The following NCALD variants were observed in gnomAD, a reference collection of about 807,000 sequenced individuals.
NCALD encodes neurocalcin-delta.
A neutral mutation model predicts 18.6 loss-of-function variants in NCALD; 10 were observed. That is an observed-to-expected ratio of 0.54 (90% CI 0.33 to 0.91). NCALD has a LOEUF of 0.91. Among genes scored for constraint, NCALD ranks in the 40% least tolerant of loss-of-function variants. The pLI, the probability that NCALD is intolerant of heterozygous loss-of-function variation, is 0.03. For missense variants in NCALD, 184 were observed against 247.6 expected (o/e 0.74, Z 1.72); for synonymous variants, 88 against 87.4 (o/e 1.01, Z -0.04).
intron 4 of NCALD, among the ~76,000 whole-genome samples, chr8:101,850,191 A>G (rs972924702): frequency 6.6e-6 from 1 of 152,154 alleles, no homozygotes; most frequent in Non-Finnish European, 1.5e-5. Context: ...CCTACCCTGC[A>G]AAGGAAAATT....
intron 4 of NCALD, among the ~76,000 whole-genome samples, chr8:101,823,786 G>A (rs10808379): frequency 0.7 from 106,552 of 152,006 alleles, 38,134 homozygotes; most frequent in Non-Finnish European, 0.78. Flanking sequence ...GTATGGTGGA[G>A]GCTGACAACC....
intron 3 of NCALD, chr8:101,691,986 G>C (rs935233689): frequency 3.2e-5 from 32 of 985,272 alleles, no homozygotes; most frequent in Admixed American, 6.1e-5. Context: ...AGGGTTGCCA[G>C]ATCTGGCAAA....
chr8:102,038,131 C>T (rs1163327162), intron 1 of NCALD, among the ~76,000 whole-genome samples: 1 of 152,120 alleles, frequency 6.6e-6, no homozygotes, highest in Non-Finnish European at 1.5e-5. Flanking sequence ...TTGGGATTTC[C>T]TGACGGCCTT....
At chr8:101,828,509 T>C (rs1465777594) in intron 4 of NCALD, among the ~76,000 whole-genome samples, 2 of 152,158 alleles carry the variant, frequency 1.3e-5, no homozygotes, top group African/African-American at 2.4e-5. Flanking sequence ...CTCTCTCTGA[T>C]GACTGAAGTT....
At chr8:101,714,775 T>C (rs1239963405) in intron 2 of NCALD, among the ~76,000 whole-genome samples, 1 of 150,932 alleles carries the variant, frequency 6.6e-6, no homozygotes, top group Non-Finnish European at 1.5e-5. Context: ...GGCGGGTGGA[T>C]CATGAGGTCA....
Position 101,689,548 on chromosome 8 carries a change from G to A in NCALD, c.485-142C>T, listed in dbSNP as rs1020353868. On this transcript the variant is annotated intron_variant, in intron 3 of 3. Coordinates refer to ENST00000220931, the MANE Select transcript of NCALD (RefSeq NM_032041.3). This position sits in a 1 kb window ranked among gnomAD's most constrained non-coding sequence, Gnocchi z 4.4. ...GTGACACACAGCACTCACCTGTCCC[G>A]GGGAAGAGCCCAGTGGAATCTCCAG... The A allele has an allele frequency of 2.5e-5, 16 of 651,754 alleles. No individual in the cohort carries two copies. Among genetic ancestry groups the A allele is most frequent in the African/African-American group, 7.2e-5 (4 of 55,180 alleles). 40.4% of individuals were successfully genotyped at this position (651,754 alleles called of 1,614,324 possible).
intron 1 of NCALD, among the ~76,000 whole-genome samples, chr8:101,763,962 C>T (rs1388734056): frequency 8.4e-6 from 1 of 118,460 alleles, no homozygotes; most frequent in East Asian, 2.6e-4. Context: ...TTCTCTCTCT[C>T]TCTCCACACA....
chr8:102,090,721 G>C (rs149175185), intron 1 of NCALD, among the ~76,000 whole-genome samples: 1 of 152,088 alleles, frequency 6.6e-6, no homozygotes, highest in Non-Finnish European at 1.5e-5. Flanking sequence ...GATCATATTT[G>C]TTTCTCTCTA....
intron 2 of NCALD, among the ~76,000 whole-genome samples, chr8:101,920,953 A>G (rs1174096397): frequency 6.6e-6 from 1 of 152,246 alleles, no homozygotes; most frequent in Non-Finnish European, 1.5e-5. Flanking sequence ...AAATGAGTCA[A>G]TAAATAGGAA....
chr8:102,001,008 G>A (rs186818067), intron 2 of NCALD, among the ~76,000 whole-genome samples: 35 of 152,330 alleles, frequency 2.3e-4, no homozygotes, highest in East Asian at 3.9e-4. Context: ...CACCAGCAAC[G>A]GAACAAAGCC....
intron 1 of NCALD, among the ~76,000 whole-genome samples, chr8:102,062,527 C>A (rs116232387): frequency 5.3e-4 from 80 of 152,310 alleles, no homozygotes; most frequent in African/African-American, 1.9e-3. Flanking sequence ...TGCTCACATG[C>A]TCCAGGGTGC....
chr8:101,919,681 G>T (rs1426957338), intron 2 of NCALD, among the ~76,000 whole-genome samples: 1 of 150,476 alleles, frequency 6.6e-6, no homozygotes, highest in Non-Finnish European at 1.5e-5. Flanking sequence ...AACTCAGCAG[G>T]CAAGCAAAAG....
intron 1 of NCALD, among the ~76,000 whole-genome samples, chr8:101,730,411 T>G (rs1300400676): frequency 7.8e-6 from 1 of 128,806 alleles, no homozygotes; most frequent in African/African-American, 3.1e-5. Flanking sequence ...ATCTGGGAGG[T>G]GGAGGTTGTG....
chr8:101,864,018 A>G (rs1815655420), intron 4 of NCALD, among the ~76,000 whole-genome samples: 1 of 152,202 alleles, frequency 6.6e-6, no homozygotes, highest in Non-Finnish European at 1.5e-5. Flanking sequence ...TCTAACATGC[A>G]ACAGAACAGA....
At chr8:101,992,062 A>G (rs558684245) in intron 2 of NCALD, among the ~76,000 whole-genome samples, 21 of 152,320 alleles carry the variant, frequency 1.4e-4, no homozygotes, top group Admixed American at 5.9e-4. Context: ...GTGCATTACT[A>G]CACTCCATGT....
intron 3 of NCALD, among the ~76,000 whole-genome samples, chr8:101,908,766 G>A (rs1817693823): frequency 6.6e-6 from 1 of 152,148 alleles, no homozygotes; most frequent in Admixed American, 6.5e-5. Flanking sequence ...GCTACAATAA[G>A]GGAGGAAGCT....
chr8:102,006,335 G>A (rs1821711681), intron 2 of NCALD, among the ~76,000 whole-genome samples: 1 of 151,626 alleles, frequency 6.6e-6, no homozygotes, highest in African/African-American at 2.4e-5. Flanking sequence ...GTAAGCAATG[G>A]GCCCCTAATA....
chr8:101,908,446 G>A (rs926500377), intron 3 of NCALD, among the ~76,000 whole-genome samples: 5 of 152,042 alleles, frequency 3.3e-5, no homozygotes. Flanking sequence ...CACAAACAAT[G>A]TTGTTTTGGA....
intron 4 of NCALD, among the ~76,000 whole-genome samples, chr8:101,854,744 A>G (rs1378197710): frequency 6.6e-6 from 1 of 152,214 alleles, no homozygotes; most frequent in Non-Finnish European, 1.5e-5. Flanking sequence ...GTATAACAAC[A>G]TATTTTGATA....
Sources: gnomAD v4.1 joint callset for allele counts (sites outside exome capture counted in the v4.1 genomes callset) on GRCh38, gnomAD v4.1.1 for gene constraint, Gnocchi (gnomAD v3.1) non-coding constraint, MANE v1.5 for transcripts, NCBI Gene and HGNC (gene_info 2026-07-23, HGNC 2026-07-21) for gene names.